The following CNTN5 variants were observed in gnomAD, a reference collection of about 807,000 sequenced individuals.
CNTN5 encodes contactin-5.
In CNTN5, 77 loss-of-function variants were observed where a neutral mutation model predicts 129.1. That is an observed-to-expected ratio of 0.60 (90% CI 0.50 to 0.72). CNTN5 has a LOEUF of 0.72. Ranked by LOEUF, CNTN5 falls within the 30% of genes least tolerant of loss-of-function variation. The pLI, the probability that CNTN5 is intolerant of heterozygous loss-of-function variation, is 0.00. For synonymous variants in CNTN5, 509 were observed against 465.6 expected (o/e 1.09, Z -1.20); for missense variants, 1,478 against 1,328.8 (o/e 1.11, Z -1.75).
chr11:99,883,592 C>A (rs151327430), intron 6 of CNTN5, among the ~76,000 whole-genome samples: 35 of 152,158 alleles, frequency 2.3e-4, no homozygotes, highest in Non-Finnish European at 4.1e-4. Context: ...ATGAAGAGTC[C>A]CTATTAAACA....
At chr11:99,960,261 C>T (rs1950906612) in intron 8 of CNTN5, among the ~76,000 whole-genome samples, 1 of 152,008 alleles carries the variant, frequency 6.6e-6, no homozygotes, top group Admixed American at 6.6e-5. Flanking sequence ...ATTTCTACTG[C>T]TCTTTTAACT....
At chr11:99,325,652 CT>C (rs1565492454) in intron 2 of CNTN5, among the ~76,000 whole-genome samples, 168 bp downstream of exon 2, 1 of 152,020 alleles carries the variant, frequency 6.6e-6, no homozygotes, top group Non-Finnish European at 1.5e-5. Flanking sequence ...TTGAAAACAC[CT>C]TGATTGTGTC....
chr11:99,338,952 GAT>G (rs1205643777), intron 2 of CNTN5, among the ~76,000 whole-genome samples: 2 of 110,678 alleles, frequency 1.8e-5, no homozygotes, highest in Non-Finnish European at 3.9e-5. Context: ...ATATATCTGT[GAT>G]ATATATGTGT....
At chr11:99,731,274 A>AT (rs34775940) in intron 3 of CNTN5, among the ~76,000 whole-genome samples, 57,749 of 149,388 alleles carry the variant, frequency 0.39, 11,844 homozygotes, top group African/African-American at 0.54. Flanking sequence ...TGCCTGGCTA[A>AT]TTTTTTTTTT....
rs181920538 is a variant in CNTN5, at chr11:100,100,599, C to T, written c.1580+26305C>T. Among the ~76,000 whole-genome samples, 16 of 152,036 alleles carry T rather than the reference C, an allele frequency of 1.1e-4. No homozygotes were observed. In the East Asian group the frequency reaches 3.1e-3, roughly 29 times the overall value. On this transcript the variant is annotated intron_variant, in intron 13 of 24. Coordinates refer to ENST00000524871, the MANE Select transcript of CNTN5 (RefSeq NM_014361.4). ...GCTGTACCTGGCTCACAGGAGGTAC[C>T]AAAACAACCTTTGTTTATGTGATTG...
At chr11:99,608,042 T>A (rs1242866647) in intron 3 of CNTN5, among the ~76,000 whole-genome samples, 2 of 146,188 alleles carry the variant, frequency 1.4e-5, no homozygotes, top group Admixed American at 6.9e-5. Context: ...ATGGCACATG[T>A]ATACATATGT....
intron 8 of CNTN5, among the ~76,000 whole-genome samples, chr11:99,988,092 C>T (rs969188667): frequency 1.3e-5 from 2 of 152,152 alleles, no homozygotes; most frequent in African/African-American, 2.4e-5. Context: ...ATATCATACA[C>T]AGAGGCTTTG....
intron 2 of CNTN5, among the ~76,000 whole-genome samples, chr11:99,349,892 G>T (rs1938168308): frequency 6.6e-6 from 1 of 152,072 alleles, no homozygotes; most frequent in Non-Finnish European, 1.5e-5. Context: ...TTAGAAAGAA[G>T]ATATTCTAAT....
At chr11:99,032,456 A>T (rs1463769305) in intron 1 of CNTN5, among the ~76,000 whole-genome samples, 1 of 149,340 alleles carries the variant, frequency 6.7e-6, no homozygotes, top group Non-Finnish European at 1.5e-5. Context: ...AATGATTGCC[A>T]TTCTAACTGG....
chr11:100,216,050 T>C (rs1436565424), intron 15 of CNTN5, among the ~76,000 whole-genome samples: 1 of 152,156 alleles, frequency 6.6e-6, no homozygotes, highest in Non-Finnish European at 1.5e-5. Context: ...TGCTAATTCT[T>C]AGAGTTCCAT....
At chr11:99,762,882 A>G (rs1212119520) in intron 3 of CNTN5, among the ~76,000 whole-genome samples, 1 of 152,180 alleles carries the variant, frequency 6.6e-6, no homozygotes, top group Non-Finnish European at 1.5e-5. Flanking sequence ...TAAGATTCTT[A>G]TGAATTCTTT....
At chr11:99,888,682 C>A (rs1030012167) in intron 6 of CNTN5, among the ~76,000 whole-genome samples, 5 of 152,042 alleles carry the variant, frequency 3.3e-5, no homozygotes, top group African/African-American at 1.2e-4. Flanking sequence ...GGGCAACATC[C>A]CAGGAAAGAA....
intron 10 of CNTN5, among the ~76,000 whole-genome samples, chr11:100,063,255 C>T (rs1376575380): frequency 6.6e-6 from 1 of 151,884 alleles, no homozygotes; most frequent in Non-Finnish European, 1.5e-5. Context: ...ATTGCTTTCA[C>T]TCCTTATTAC....
At position 99,889,327 on chromosome 11, in the gene CNTN5, TGTGTGTGTG is replaced by T. The variant is rs1565642794; in HGVS notation, c.578-26726_578-26718del. Among the ~76,000 whole-genome samples, 164 of 76,286 alleles carry T rather than the reference TGTGTGTGTG, an allele frequency of 2.1e-3. 7 individuals carry two copies. The highest frequency in any genetic ancestry group is 0.012 in the South Asian group (33 of 2,798). The allele number at this position is 76,286 out of a possible 152,430, so 50.0% of individuals were successfully genotyped here. On this transcript the variant is annotated intron_variant, in intron 6 of 24. Transcript: ENST00000524871. ...GTGTGTGTGTGTGTGTGTGTGTGTG[TGTGTGTGTG>T]TGTGTGTGTGTGTGTGTGTGTATAT...
chr11:99,041,413 T>G (rs1161671403), intron 1 of CNTN5, among the ~76,000 whole-genome samples: 1 of 152,166 alleles, frequency 6.6e-6, no homozygotes, highest in Non-Finnish European at 1.5e-5. Context: ...TTGCCTCTAC[T>G]TAAGTAACCA....
chr11:100,177,296 G>A (rs775385306), intron 13 of CNTN5, among the ~76,000 whole-genome samples: 32 of 152,096 alleles, frequency 2.1e-4, no homozygotes, highest in Non-Finnish European at 1.8e-4. Flanking sequence ...TGTGCTCACA[G>A]CACCCCTGCT....
Position 99,862,073 on chromosome 11 carries a change from T to C in CNTN5, c.577+16811T>C, listed in dbSNP as rs114694524. Reference sequence around the variant, plus strand: ...ACAATATTTTTTCCAGCATAACTTGTATGCTATAGTAAATATGGATAAGAC... The same window carrying C: ...ACAATATTTTTTCCAGCATAACTTGCATGCTATAGTAAATATGGATAAGAC... On this transcript the variant is annotated intron_variant, in intron 6 of 24. Transcript: ENST00000524871. 3.6e-3 allele frequency among the ~76,000 whole-genome samples: 546 copies of C among 152,276 alleles called. 3 individuals are homozygous for C. Among genetic ancestry groups the C allele is most frequent in the African/African-American group, 0.013 (522 of 41,554 alleles).
chr11:99,449,756 G>T (rs556551806), intron 2 of CNTN5, among the ~76,000 whole-genome samples: 125 of 152,158 alleles, frequency 8.2e-4, no homozygotes, highest in African/African-American at 2.7e-3. Flanking sequence ...TTTCTCTTGT[G>T]GTGGCAGCAA....
intron 1 of CNTN5, among the ~76,000 whole-genome samples, chr11:99,102,251 TCA>T (rs1203426532): frequency 6.9e-4 from 105 of 152,018 alleles, no homozygotes; most frequent in Non-Finnish European, 1.2e-3. Context: ...GGCCTCTTGG[TCA>T]GTGATGGGAG....
Sources: gnomAD v4.1 joint callset for allele counts (sites outside exome capture counted in the v4.1 genomes callset) on GRCh38, gnomAD v4.1.1 for gene constraint, MANE v1.5 for transcripts, NCBI Gene and HGNC (gene_info 2026-07-23, HGNC 2026-07-21) for gene names.